The following GLCE variants were observed in gnomAD, a reference collection of about 807,000 sequenced individuals.
GLCE encodes glucuronic acid epimerase, also known as D-glucuronyl C5-epimerase.
Under a neutral mutation model 47.9 loss-of-function variants are expected in GLCE, and 19 were observed. The observed-to-expected ratio is 0.40, with a 90% CI of 0.28 to 0.58. The LOEUF is 0.58. Among genes scored for constraint, GLCE ranks in the 20% least tolerant of loss-of-function variants. The probability of loss-of-function intolerance (pLI) is 0.48; values close to 1 mark genes in which losing one functional copy is unlikely to be tolerated. For synonymous variants in GLCE, 245 were observed against 263.4 expected (o/e 0.93, Z 0.68); for missense variants, 556 against 743.3 (o/e 0.75, Z 2.93).
At chr15:69,203,129 T>G (rs756584598) in intron 1 of GLCE, among the ~76,000 whole-genome samples, 14 of 152,136 alleles carry the variant, frequency 9.2e-5, no homozygotes, top group Non-Finnish European at 1.9e-4. Flanking sequence ...ACTTAGCATT[T>G]CAGTGGCCAG....
At chr15:69,196,716 G>T in intron 1 of GLCE, 1 of 160,442 alleles carries the variant, frequency 6.2e-6, no homozygotes, top group South Asian at 1.7e-4. Flanking sequence ...ACCATCCTAC[G>T]GTCATTCAGC....
At chr15:69,196,599 A>C (rs1162824764) in intron 1 of GLCE, 2 of 163,642 alleles carry the variant, frequency 1.2e-5, no homozygotes, top group African/African-American at 4.8e-5. Flanking sequence ...AGCCGTGAAG[A>C]TGAGGAGTGT....
chr15:69,162,853 G>A (rs1595728612), intron 1 of GLCE, among the ~76,000 whole-genome samples: 1 of 152,218 alleles, frequency 6.6e-6, no homozygotes, highest in East Asian at 1.9e-4. Context: ...CCAAAGTACT[G>A]GGATTTAGAG....
At chr15:69,196,564 C>A in intron 1 of GLCE, 1 of 168,596 alleles carries the variant, frequency 5.9e-6, no homozygotes, top group South Asian at 1.5e-4. Context: ...AGTGGTGGTT[C>A]AAGAACTTTT....
chr15:69,260,911 C>A, intron 3 of GLCE, 176 bp from the exon 4 acceptor site: 1 of 530,668 alleles, frequency 1.9e-6, no homozygotes, highest in Non-Finnish European at 3.3e-6. Context: ...TTTTGTTTTT[C>A]ACATCTGGTT....
chr15:69,215,394 A>G (rs2052291428), intron 2 of GLCE, among the ~76,000 whole-genome samples: 1 of 152,168 alleles, frequency 6.6e-6, no homozygotes, highest in African/African-American at 2.4e-5. Context: ...CATTTGTTGC[A>G]TAAATCCTTA....
intron 4 of GLCE, 56 bp downstream of exon 4, chr15:69,261,385 T>C (rs1355381840): frequency 6.5e-7 from 1 of 1,530,648 alleles, no homozygotes; most frequent in African/African-American, 1.4e-5. Flanking sequence ...GGGACCCTGA[T>C]AGTCCCTTAA....
At chr15:69,199,195 TC>T in intron 1 of GLCE, among the ~76,000 whole-genome samples, 1 of 152,266 alleles carries the variant, frequency 6.6e-6, no homozygotes, top group African/African-American at 2.4e-5. Flanking sequence ...AATGAAAAGT[TC>T]AAGTCATTTT....
intron 2 of GLCE, among the ~76,000 whole-genome samples, chr15:69,235,210 C>T (rs773624912): frequency 2.1e-5 from 3 of 141,886 alleles, no homozygotes; most frequent in Non-Finnish European, 4.5e-5. Flanking sequence ...TGGGTTCAAG[C>T]GATTCTCCTG....
rs549484472 is a variant in GLCE at position 69,237,608 on chromosome 15, A to T, written c.-13-18186A>T. The stretch of plus-strand genomic sequence containing the variant: ...CAAGACTCTGTCTCCAAAAAAATTA[A>T]AAAAAAAAAATTGGGTACTGATTTC... On this transcript the variant is annotated intron_variant, in intron 2 of 4. Transcript: ENST00000261858. Among the ~76,000 whole-genome samples, 6 of 150,026 alleles carry T rather than the reference A, an allele frequency of 4.0e-5. No homozygotes were observed. In the East Asian group the frequency reaches 5.9e-4, roughly 15 times the overall value.
In GLCE at chr15:69,206,257, G is replaced by T. The variant is rs566424835; in HGVS notation, c.-104-4059G>T. Among the ~76,000 whole-genome samples the T allele has an allele frequency of 3.3e-5, 5 of 152,170 alleles. No individual in the cohort carries two copies. The South Asian group carries it at 1.0e-3, about 32-fold the overall frequency. On this transcript the variant is annotated intron_variant, in intron 1 of 4. Coordinates refer to ENST00000261858, the MANE Select transcript of GLCE (RefSeq NM_015554.3). Reference sequence around the variant, plus strand: ...AGACTGAGGTTATGAGTTTTAGGAAGAATACACAGAGGGAAATGCCCTTTT... The same window carrying T: ...AGACTGAGGTTATGAGTTTTAGGAATAATACACAGAGGGAAATGCCCTTTT...
chr15:69,247,418 C>A (rs968325976), intron 2 of GLCE, among the ~76,000 whole-genome samples: 1 of 152,228 alleles, frequency 6.6e-6, no homozygotes, highest in African/African-American at 2.4e-5. Flanking sequence ...GCTTTGGCTT[C>A]AGGGAATATT....
intron 1 of GLCE, among the ~76,000 whole-genome samples, chr15:69,187,964 T>C (rs1163008510): frequency 1.3e-5 from 2 of 152,180 alleles, no homozygotes; most frequent in Non-Finnish European, 2.9e-5. Flanking sequence ...CTCAGGAGGC[T>C]GAGGCAGGAG....
intron 2 of GLCE, among the ~76,000 whole-genome samples, chr15:69,230,223 A>C (rs1340443687): frequency 6.6e-6 from 1 of 152,026 alleles, no homozygotes; most frequent in African/African-American, 2.4e-5. Flanking sequence ...AAAAAAAAAA[A>C]AAAACGAAAA....
At chr15:69,195,873 T>C (rs1038314824) in intron 1 of GLCE, among the ~76,000 whole-genome samples, 1 of 152,144 alleles carries the variant, frequency 6.6e-6, no homozygotes, top group Admixed American at 6.6e-5. Context: ...ATTCCTACTA[T>C]TGCCAGGTAC....
intron 2 of GLCE, among the ~76,000 whole-genome samples, chr15:69,240,900 T>C (rs1374858335): frequency 6.6e-6 from 1 of 152,140 alleles, no homozygotes; most frequent in African/African-American, 2.4e-5. Flanking sequence ...ACAGGAACAA[T>C]TATTAAACAC....
At chr15:69,238,650 T>C (rs1188124527) in intron 2 of GLCE, among the ~76,000 whole-genome samples, 2 of 152,208 alleles carry the variant, frequency 1.3e-5, no homozygotes, top group South Asian at 2.1e-4. Context: ...GACCTACTTA[T>C]GGAGTGCTGA....
At chr15:69,228,926 G>A (rs990661033) in intron 2 of GLCE, among the ~76,000 whole-genome samples, 5 of 152,076 alleles carry the variant, frequency 3.3e-5, no homozygotes, top group Admixed American at 1.3e-4. Flanking sequence ...GAGCTCAAAC[G>A]ATTTGCCCAC....
Position 69,269,342 on chromosome 15 carries a change from A to T in GLCE, c.*98A>T, listed in dbSNP as rs537541065. ...GGCACATTTTAAAAGGTTATGTACT[A>T]GGTTTTTGTGGATTCTATCAAAGTG... On this transcript the variant is annotated 3_prime_UTR_variant, in exon 5 of 5. Transcript: ENST00000261858. The T allele has an allele frequency of 1.2e-5, 11 of 939,376 alleles. No homozygotes were observed. The East Asian group carries it at 2.7e-4, about 23-fold the overall frequency. 58.2% of individuals were successfully genotyped at this position (939,376 alleles called of 1,614,324 possible).
Sources: allele counts gnomAD v4.1 joint callset (sites outside exome capture counted in the v4.1 genomes callset), GRCh38; gene constraint gnomAD v4.1.1; transcripts MANE v1.5; gene names NCBI Gene and HGNC (gene_info 2026-07-23, HGNC 2026-07-21).